The following UBAC2 variants were observed in gnomAD, a reference collection of about 807,000 sequenced individuals.
UBAC2 encodes the protein ubiquitin-associated domain-containing protein 2.
Under a neutral mutation model 44.0 loss-of-function variants are expected in UBAC2, and 26 were observed. The observed-to-expected ratio is 0.59, with a 90% CI of 0.43 to 0.82. The LOEUF (loss-of-function observed/expected upper bound fraction) is 0.82. Ranked by LOEUF, UBAC2 falls within the 40% of genes least tolerant of loss-of-function variation. The pLI, the probability that UBAC2 is intolerant of heterozygous loss-of-function variation, is 0.00. For synonymous variants in UBAC2, 155 were observed against 154.3 expected (o/e 1.00, Z -0.04); for missense variants, 329 against 419.4 (o/e 0.78, Z 1.88).
intron 1 of UBAC2, among the ~76,000 whole-genome samples, chr13:99,225,410 T>G (rs989028920): frequency 3.3e-5 from 5 of 152,234 alleles, no homozygotes; most frequent in African/African-American, 9.6e-5. Context: ...ATATAATATT[T>G]ATCTTTTTGT....
chr13:99,263,299 G>T (rs150434375), intron 4 of UBAC2, among the ~76,000 whole-genome samples: 1 of 152,158 alleles, frequency 6.6e-6, no homozygotes, highest in Admixed American at 6.5e-5. Context: ...CTGGCAGCTC[G>T]TACATGTAAT....
At position 99,351,930 on chromosome 13, in the gene UBAC2, C is replaced by T. The variant is rs562520695; in HGVS notation, c.807+11365C>T. ...CCAGAGTGGCTCAGCGATACTCACA[C>T]GTGCTTTCAGTTACTTTCGCAGCAT... On this transcript the variant is annotated intron_variant, in intron 7 of 8. Coordinates refer to ENST00000403766, the MANE Select transcript of UBAC2 (RefSeq NM_001144072.2). 3.3e-4 allele frequency: 117 copies of T among 357,114 alleles called. 4 individuals are homozygous for T. The highest frequency in any genetic ancestry group is 2.3e-3 in the South Asian group (110 of 47,632). 22.1% of individuals were successfully genotyped at this position (357,114 alleles called of 1,614,324 possible). A position where few individuals can be genotyped will look rare whatever the true frequency, so the allele number is the denominator to read the frequency against.
intron 6 of UBAC2, among the ~76,000 whole-genome samples, chr13:99,325,666 T>C (rs2044632167): frequency 6.6e-6 from 1 of 152,194 alleles, no homozygotes. Context: ...ACTGAAACTT[T>C]ATGCCTGTTG....
chr13:99,277,249 G>C (rs887754962), intron 4 of UBAC2, among the ~76,000 whole-genome samples: 17 of 152,180 alleles, frequency 1.1e-4, no homozygotes, highest in Non-Finnish European at 2.4e-4. Flanking sequence ...ATTAAGGCCA[G>C]GTGCAGTGGC....
intron 4 of UBAC2, among the ~76,000 whole-genome samples, chr13:99,282,290 C>G (rs1231965303): frequency 6.6e-6 from 1 of 152,148 alleles, no homozygotes; most frequent in Non-Finnish European, 1.5e-5. Flanking sequence ...AGATAGAACC[C>G]TGGAAAGAGT....
chr13:99,367,728 A>G (rs1422700702), intron 7 of UBAC2, 59 bp from the exon 8 acceptor site: 1 of 1,610,630 alleles, frequency 6.2e-7, no homozygotes, highest in African/African-American at 1.3e-5. Context: ...AGCTCTTCCA[A>G]GCATTATGAT....
intron 4 of UBAC2, among the ~76,000 whole-genome samples, chr13:99,289,049 A>G (rs188540896): frequency 1.7e-4 from 26 of 152,360 alleles, no homozygotes; most frequent in Non-Finnish European, 2.9e-4. Context: ...GAGCTTGCCT[A>G]TTATCTAACA....
chr13:99,321,750 C>T (rs886154333), intron 6 of UBAC2, among the ~76,000 whole-genome samples: 6 of 152,160 alleles, frequency 3.9e-5, no homozygotes, highest in Non-Finnish European at 8.8e-5. Context: ...AAGTTGACCA[C>T]TTTTTATCTT....
At chr13:99,265,900 T>G (rs1406082614) in intron 4 of UBAC2, among the ~76,000 whole-genome samples, 2 of 152,208 alleles carry the variant, frequency 1.3e-5, no homozygotes, top group Non-Finnish European at 2.9e-5. Flanking sequence ...TAAAAAGGTT[T>G]CGTATCAGAG....
At chr13:99,381,080 T>G (rs559100221) in intron 8 of UBAC2, among the ~76,000 whole-genome samples, 134 of 152,328 alleles carry the variant, frequency 8.8e-4, no homozygotes, top group Admixed American at 1.5e-3. Flanking sequence ...CAGAAGGAAG[T>G]CTCGTGTACA....
intron 4 of UBAC2, among the ~76,000 whole-genome samples, chr13:99,282,516 A>G (rs966746782): frequency 1.3e-5 from 2 of 152,198 alleles, no homozygotes; most frequent in Non-Finnish European, 2.9e-5. Flanking sequence ...TGGGACTTCA[A>G]ACATTTGAGT....
chr13:99,203,385 G>C (rs1457648579), intron 1 of UBAC2, among the ~76,000 whole-genome samples: 2 of 152,180 alleles, frequency 1.3e-5, no homozygotes, highest in Non-Finnish European at 2.9e-5. Context: ...TTCTGATCCT[G>C]AGCAAGAATC....
In UBAC2 at chr13:99,200,900, G is replaced by T. The variant is rs948770399; in HGVS notation, c.-9G>T. On this transcript the variant is annotated 5_prime_UTR_variant, in exon 1 of 9. Transcript: ENST00000403766. The stretch of plus-strand genomic sequence containing the variant: ...CGGCGCCCTCTGGGGCTCCGAGCCC[G>T]GCGGGACCATGTTCACCAGCACCGG... 4 of 1,303,272 alleles carry T rather than the reference G, an allele frequency of 3.1e-6. No individual in the cohort carries two copies. In the African/African-American group the frequency reaches 6.1e-5, roughly 20 times the overall value. 80.7% of individuals were successfully genotyped at this position (1,303,272 alleles called of 1,614,324 possible). A position where few individuals can be genotyped will look rare whatever the true frequency, so the allele number is the denominator to read the frequency against.
At chr13:99,302,810 C>T (rs2044276162) in intron 4 of UBAC2, among the ~76,000 whole-genome samples, 1 of 152,224 alleles carries the variant, frequency 6.6e-6, no homozygotes, top group African/African-American at 2.4e-5. Flanking sequence ...ACGCTGCTAA[C>T]CAACTGTCAC....
At chr13:99,288,002 A>T (rs2044042176) in intron 4 of UBAC2, among the ~76,000 whole-genome samples, 1 of 152,186 alleles carries the variant, frequency 6.6e-6, no homozygotes, top group African/African-American at 2.4e-5. Flanking sequence ...CATTTTTACT[A>T]TGTAGCCCCT....
chr13:99,303,057 G>A (rs977942383), intron 4 of UBAC2, among the ~76,000 whole-genome samples: 1 of 152,118 alleles, frequency 6.6e-6, no homozygotes, highest in African/African-American at 2.4e-5. Flanking sequence ...GTGACTAGCC[G>A]AGGGGCTTAG....
At chr13:99,277,358 T>C (rs370198611) in intron 4 of UBAC2, among the ~76,000 whole-genome samples, 153 of 152,138 alleles carry the variant, frequency 1.0e-3, no homozygotes, top group African/African-American at 3.5e-3. Flanking sequence ...AAACCCCGTC[T>C]CTACTAAAAA....
intron 4 of UBAC2, among the ~76,000 whole-genome samples, chr13:99,311,966 G>A (rs1033588247): frequency 6.6e-6 from 1 of 152,234 alleles, no homozygotes; most frequent in Non-Finnish European, 1.5e-5. Flanking sequence ...TGGATGGCTA[G>A]CCAGGTGTAT....
At chr13:99,383,898 G>T (rs1223030741) in intron 8 of UBAC2, among the ~76,000 whole-genome samples, 1 of 152,264 alleles carries the variant, frequency 6.6e-6, no homozygotes, top group Non-Finnish European at 1.5e-5. Flanking sequence ...TCCCCCACCT[G>T]CCTCTCTACT....
Sources: allele counts gnomAD v4.1 joint callset (sites outside exome capture counted in the v4.1 genomes callset), GRCh38; gene constraint gnomAD v4.1.1; transcripts MANE v1.5; gene names NCBI Gene and HGNC (gene_info 2026-07-23, HGNC 2026-07-21).